Variants in CDYL observed in about 807,000 individuals in gnomAD.
CDYL encodes the protein chromodomain Y-like protein.
A neutral mutation model predicts 47.3 loss-of-function variants in CDYL; 8 were observed. The observed-to-expected ratio is 0.17, with a 90% CI of 0.10 to 0.31. The LOEUF is 0.31. Ranked by LOEUF, CDYL falls within the 10% of genes least tolerant of loss-of-function variation. The probability of loss-of-function intolerance (pLI) is 1.00; values close to 1 mark genes in which losing one functional copy is unlikely to be tolerated. For missense variants in CDYL, 471 were observed against 701.4 expected (o/e 0.67, Z 3.71); for synonymous variants, 266 against 265.0 (o/e 1.00, Z -0.04).
At chr6:4,781,056 A>G (rs1758605372) in intron 1 of CDYL, among the ~76,000 whole-genome samples, 1 of 151,884 alleles carries the variant, frequency 6.6e-6, no homozygotes, top group South Asian at 2.1e-4. Context: ...GTAAGCTCTC[A>G]ATGATTAGTC....
At position 4,725,927 on chromosome 6, in the gene CDYL, C is replaced by G. The variant is rs182810477; in HGVS notation, c.104-8835C>G. ...CAAAATGTGTCCATTTTTGTCAAAG[C>G]CAAAAACAAAAGAGCAAATTACCAA... On this transcript the variant is annotated intron_variant, in intron 2 of 8. Coordinates refer to the CDYL transcript ENST00000328908. Among the ~76,000 whole-genome samples the G allele has an allele frequency of 1.5e-4, 23 of 152,304 alleles. 2 individuals are homozygous for G. Among genetic ancestry groups the G allele is most frequent in the African/African-American group, 5.1e-4 (21 of 41,568 alleles).
chr6:4,904,091 G>A (rs542911944), intron 2 of CDYL, among the ~76,000 whole-genome samples: 8 of 152,208 alleles, frequency 5.3e-5, no homozygotes, highest in Admixed American at 2.0e-4. Flanking sequence ...GCCATGCCAC[G>A]CTGTCTGCAG....
At chr6:4,909,688 G>A (rs1164644126) in intron 2 of CDYL, among the ~76,000 whole-genome samples, 1 of 151,458 alleles carries the variant, frequency 6.6e-6, no homozygotes, top group Non-Finnish European at 1.5e-5. Flanking sequence ...TCCTGCCTCA[G>A]CCTCCCGATT....
intron 3 of CDYL, among the ~76,000 whole-genome samples, chr6:4,744,857 T>C (rs1274496859): frequency 1.3e-5 from 2 of 152,170 alleles, no homozygotes; most frequent in Non-Finnish European, 2.9e-5. Flanking sequence ...TTTTTTTTTC[T>C]TCAAAGAAAT....
chr6:4,758,968 C>CTTTTTTT (rs753662724), intron 3 of CDYL, among the ~76,000 whole-genome samples: 17 of 131,910 alleles, frequency 1.3e-4, no homozygotes, highest in African/African-American at 3.8e-4. Flanking sequence ...TTTTCTTTTT[C>CTTTTTTT]TTTTTTTTTT....
intron 2 of CDYL, among the ~76,000 whole-genome samples, chr6:4,728,842 T>A (rs1757557253): frequency 6.6e-6 from 1 of 152,180 alleles, no homozygotes; most frequent in Admixed American, 6.5e-5. Flanking sequence ...CAGTTGGCCA[T>A]CTGAAGTGGA....
chr6:4,869,114 G>A lies in CDYL; in HGVS notation c.25-22599G>A, dbSNP rs148963874. 1.5e-3 allele frequency among the ~76,000 whole-genome samples: 218 copies of A among 143,150 alleles called. 4 individuals carry two copies. In the East Asian group the frequency reaches 0.033, roughly 22 times the overall value. 93.9% of individuals were successfully genotyped at this position (143,150 alleles called of 152,430 possible). On this transcript the variant is annotated intron_variant, in intron 1 of 6. Transcript: ENST00000397588. ...TTTCTTTCTTATTTTTTTTTTTTTC[G>A]AGACGGAGTCCTGCTCTGTCACCCA...
At position 4,722,584 on chromosome 6, in the gene CDYL, T is replaced by C. The variant is rs1369693495; in HGVS notation, c.103+6703T>C. On this transcript the variant is annotated intron_variant, in intron 2 of 8. Transcript: ENST00000328908. Reference sequence around the variant, plus strand: ...TTTTAAAACTAAAACTGTTTTAAAGTCCACAGTTCATGCCAGGCACAGTGG... The same window carrying C: ...TTTTAAAACTAAAACTGTTTTAAAGCCCACAGTTCATGCCAGGCACAGTGG... Among the ~76,000 whole-genome samples the C allele has an allele frequency of 3.3e-5, 5 of 150,464 alleles. No individual in the cohort carries two copies. In the South Asian group the frequency reaches 1.1e-3, roughly 32 times the overall value.
chr6:4,731,026 C>G (rs1294635253), intron 2 of CDYL, among the ~76,000 whole-genome samples: 1 of 152,242 alleles, frequency 6.6e-6, no homozygotes. Context: ...TTTTCAACGT[C>G]TGGGCCTGGA....
At chr6:4,816,645 TG>T (rs1759684814) in intron 1 of CDYL, among the ~76,000 whole-genome samples, 2 of 151,862 alleles carry the variant, frequency 1.3e-5, no homozygotes, top group South Asian at 2.1e-4. Flanking sequence ...ACTACCACCA[TG>T]CCTGGCTAAT....
intron 1 of CDYL, among the ~76,000 whole-genome samples, chr6:4,860,814 T>A (rs949209141): frequency 6.6e-6 from 1 of 152,014 alleles, no homozygotes; most frequent in Non-Finnish European, 1.5e-5. Context: ...TGGAGAAAGA[T>A]GTAGGCTGGG....
intron 1 of CDYL, among the ~76,000 whole-genome samples, chr6:4,862,552 A>G (rs546083964): frequency 6.6e-6 from 1 of 152,324 alleles, no homozygotes; most frequent in South Asian, 2.1e-4. Context: ...TGTAAACATG[A>G]TCTAATAAAC....
At chr6:4,748,962 A>G (rs940438696) in intron 3 of CDYL, among the ~76,000 whole-genome samples, 3 of 152,222 alleles carry the variant, frequency 2.0e-5, no homozygotes, top group African/African-American at 7.2e-5. Context: ...GCAATCACCA[A>G]GCTCCTTCGT....
chr6:4,854,616 C>T (rs1172837596), intron 1 of CDYL, among the ~76,000 whole-genome samples: 1 of 152,172 alleles, frequency 6.6e-6, no homozygotes, highest in Non-Finnish European at 1.5e-5. Flanking sequence ...AATAAAATAA[C>T]CTCATGACAC....
intron 2 of CDYL, chr6:4,734,648 A>AGCGAGGG (rs67832749): frequency 1.4e-6 from 2 of 1,387,824 alleles, no homozygotes; most frequent in Admixed American, 2.3e-5. Context: ...CTCCTAATTC[A>AGCGAGGG]GGAAGGGGAG....
intron 1 of CDYL, among the ~76,000 whole-genome samples, chr6:4,872,751 T>G (rs1263512929): frequency 6.6e-6 from 1 of 152,146 alleles, no homozygotes; most frequent in African/African-American, 2.4e-5. Context: ...TGCCGTTTTA[T>G]TATGAAAATA....
chr6:4,750,838 CTTTTCTT>C (rs1311835600), intron 3 of CDYL, among the ~76,000 whole-genome samples: 1 of 149,696 alleles, frequency 6.7e-6, no homozygotes, highest in Admixed American at 6.7e-5. Flanking sequence ...GCAAAATACT[CTTTTCTT>C]TTTTCTTTTC....
intron 3 of CDYL, among the ~76,000 whole-genome samples, chr6:4,751,889 A>G (rs1333196128): frequency 1.3e-5 from 2 of 152,234 alleles, no homozygotes; most frequent in Admixed American, 6.5e-5. Context: ...TTAACATGCT[A>G]TGGGGGTGTC....
rs571901761 is a variant in CDYL, at chr6:4,744,955, C to T, written c.186+10111C>T. On this transcript the variant is annotated intron_variant, in intron 3 of 8. Coordinates refer to the CDYL transcript ENST00000328908. ...GGTTTATGAGGAAAGATATCTCAGA[C>T]ATACATTTCTTTTCTTTTTAGAGAC... is the stretch of plus-strand genomic sequence containing the variant. Among the ~76,000 whole-genome samples, 3 of 152,114 alleles carry T rather than the reference C, an allele frequency of 2.0e-5. No individual in the cohort carries two copies. The South Asian group carries it at 6.2e-4, about 32-fold the overall frequency.
Sources: gnomAD v4.1 joint callset for allele counts (sites outside exome capture counted in the v4.1 genomes callset) on GRCh38, gnomAD v4.1.1 for gene constraint, MANE v1.5 for transcripts, NCBI Gene and HGNC (gene_info 2026-07-23, HGNC 2026-07-21) for gene names.